Variants in EIF1AX observed in about 807,000 individuals in gnomAD.
The protein encoded by EIF1AX is eukaryotic translation initiation factor 1A, X-chromosomal.
In EIF1AX, 1 loss-of-function variant was observed where a neutral mutation model predicts 16.1. The observed-to-expected ratio is 0.06, with a 90% CI of 0.02 to 0.30. The LOEUF (loss-of-function observed/expected upper bound fraction) is 0.30, where lower values mean the gene tolerates loss of function less well. EIF1AX is among the 10% of genes least tolerant of loss of function. EIF1AX has a pLI of 1.00. For synonymous variants in EIF1AX, 32 were observed against 37.3 expected (o/e 0.86, Z 0.51); for missense variants, 11 against 109.1 (o/e 0.10, Z 4.00).
At chrX:20,138,036 CCT>C (rs2067023136) in intron 2 of EIF1AX, among the ~76,000 whole-genome samples, 1 of 88,322 alleles carries the variant, frequency 1.1e-5, no homozygotes, top group Non-Finnish European at 2.2e-5. Context: ...ACAGAGTCTC[CCT>C]CTGTCACCCA....
At chrX:20,129,062 A>G (rs1003588407) in intron 6 of EIF1AX, among the ~76,000 whole-genome samples, 2 of 111,383 alleles carry the variant, frequency 1.8e-5, no homozygotes, top group South Asian at 7.5e-4. Flanking sequence ...TTCTATTGTC[A>G]AAATATTAGT....
At chrX:20,139,368 A>G (rs901465224) in intron 1 of EIF1AX, among the ~76,000 whole-genome samples, 1 of 112,073 alleles carries the variant, frequency 8.9e-6, no homozygotes, top group Non-Finnish European at 1.9e-5. Flanking sequence ...TACTTGTCAC[A>G]ATCACCCCAT....
chrX:20,130,441 AATGG>A, intron 6 of EIF1AX, 71 bp downstream of exon 6: 1 of 1,044,143 alleles, frequency 9.6e-7, no homozygotes, highest in East Asian at 3.5e-5. Context: ...TCTTAAAATT[AATGG>A]ATGTTAGGGG....
At chrX:20,129,138 ATG>A (rs1361124260) in intron 6 of EIF1AX, among the ~76,000 whole-genome samples, 2 of 111,585 alleles carry the variant, frequency 1.8e-5, no homozygotes, top group Non-Finnish European at 3.8e-5. Flanking sequence ...ACAGAACAAC[ATG>A]TTTATTTCTC....
intron 4 of EIF1AX, among the ~76,000 whole-genome samples, chrX:20,133,646 C>G (rs57549582): frequency 0.028 from 3,071 of 110,811 alleles, 113 homozygotes; most frequent in African/African-American, 0.094. Context: ...CAAGGGTTAC[C>G]ATCACGAAAG....
intron 2 of EIF1AX, chrX:20,136,042 A>ATTTC (rs201723073): frequency 0.012 from 4,661 of 385,267 alleles, 168 homozygotes; most frequent in African/African-American, 0.11. Context: ...CTATGATGAC[A>ATTTC]TTTCTTTCTT....
At chrX:20,141,564 G>A (rs2067034264) in intron 1 of EIF1AX, 61 bp downstream of exon 1, 2 of 1,125,020 alleles carry the variant, frequency 1.8e-6, no homozygotes, top group African/African-American at 1.9e-5. Flanking sequence ...TGCAATCTAC[G>A]GGCAGGACCT....
At chrX:20,135,446 C>CA (rs1452553730) in intron 3 of EIF1AX, among the ~76,000 whole-genome samples, 14 of 106,711 alleles carry the variant, frequency 1.3e-4, no homozygotes, top group Non-Finnish European at 2.3e-4. Context: ...GACCCTGTAT[C>CA]AAAAAAAAGA....
chrX:20,128,407 A>G (rs1220915538), intron 6 of EIF1AX, 96 bp from the exon 7 acceptor site: 112 of 708,314 alleles, frequency 1.6e-4, no homozygotes, highest in Non-Finnish European at 2.0e-4. Flanking sequence ...TCCTTAGGCT[A>G]TGTGAGAAAC....
intron 2 of EIF1AX, chrX:20,136,270 T>C: frequency 2.7e-6 from 1 of 366,533 alleles, no homozygotes; most frequent in South Asian, 2.4e-5. Context: ...ACCAGACATA[T>C]GCCCTTATTG....
Position 20,126,814 on chromosome X carries a change from C to CAA in EIF1AX, c.*1490_*1491dup, listed in dbSNP as rs2066986537. The CAA allele has an allele frequency of 7.1e-6, 1 of 140,816 alleles. No homozygotes were observed. The highest frequency in any genetic ancestry group is 1.4e-5 in the Non-Finnish European group (1 of 70,033). The allele number at this position is 140,816 out of a possible 1,213,427, so 11.6% of individuals were successfully genotyped here. Reference sequence around the variant, plus strand: ...ATACGTACTCTTAATTTCCATTCTTCAACTTAATGTTCTATAGTACTTCAG... The same window carrying CAA: ...ATACGTACTCTTAATTTCCATTCTTCAAAACTTAATGTTCTATAGTACTTCAG... On this transcript the variant is annotated 3_prime_UTR_variant, in exon 7 of 7. Transcript: ENST00000379607.
intron 3 of EIF1AX, 98 bp from the exon 4 acceptor site, chrX:20,134,105 G>A: frequency 4.3e-6 from 4 of 927,848 alleles, no homozygotes; most frequent in Non-Finnish European, 4.5e-6. Flanking sequence ...AGAGATTTTA[G>A]GCCAGGAGCG....
In EIF1AX at chrX:20,128,165, CA is replaced by C; in HGVS notation, c.*140del. The C allele has an allele frequency of 3.6e-6, 2 of 558,397 alleles. No individual in the cohort carries two copies. Among genetic ancestry groups the C allele is most frequent in the East Asian group, 3.8e-5 (1 of 26,447 alleles). The allele number at this position is 558,397 out of a possible 1,213,427, so 46.0% of individuals were successfully genotyped here. ...GCATTATTATCAGTTTTAAAAAAAC[CA>C]AAAATATCTTAGAAACAAATCAGTC... On this transcript the variant is annotated 3_prime_UTR_variant, in exon 7 of 7. Coordinates refer to ENST00000379607, the MANE Select transcript of EIF1AX (RefSeq NM_001412.4).
chrX:20,128,409 G>C (rs1603414866), intron 6 of EIF1AX, 98 bp from the exon 7 acceptor site: 1 of 682,263 alleles, frequency 1.5e-6, no homozygotes, highest in Admixed American at 3.5e-5. Flanking sequence ...CTTAGGCTAT[G>C]TGAGAAACAA....
At position 20,133,904 on chromosome X, in the gene EIF1AX, G is replaced by A; in HGVS notation, c.255+53C>T. On this transcript the variant is annotated intron_variant, in intron 4 of 6. Coordinates refer to ENST00000379607, the MANE Select transcript of EIF1AX (RefSeq NM_001412.4). ...GAAACAAAACTGGCTCTTAAGAAAT[G>A]GCTCATCAAATTCAAGCCAGTAAAA... 3.1e-6 allele frequency: 3 copies of A among 975,661 alleles called. No homozygotes were observed. In the Admixed American group the frequency reaches 7.9e-5, roughly 26 times the overall value. 80.4% of individuals were successfully genotyped at this position (975,661 alleles called of 1,213,427 possible). A position where few individuals can be genotyped will look rare whatever the true frequency, so the allele number is the denominator to read the frequency against.
At chrX:20,138,517 C>T (rs377249043) in intron 2 of EIF1AX, 22 bp downstream of exon 2, 27 of 1,120,570 alleles carry the variant, frequency 2.4e-5, no homozygotes, top group South Asian at 2.2e-4. Flanking sequence ...TTTTAAAAAG[C>T]GTAATTTATG....
chrX:20,138,003 T>G lies in EIF1AX; in HGVS notation c.100+536A>C, dbSNP rs1307549793. On this transcript the variant is annotated intron_variant, in intron 2 of 6. Transcript: ENST00000379607. ...ACCTCATCTCTATACAGTTTTTTTTTTTTTTTTTTTTTTTTTTTTGAGACA... is the reference window on the plus strand; with the variant it reads ...ACCTCATCTCTATACAGTTTTTTTTGTTTTTTTTTTTTTTTTTTTGAGACA... Among the ~76,000 whole-genome samples the G allele has an allele frequency of 7.5e-5, 6 of 79,850 alleles. No individual in the cohort carries two copies. The East Asian group carries it at 2.4e-3, about 32-fold the overall frequency. The allele number at this position is 79,850 out of a possible 115,157, so 69.3% of individuals were successfully genotyped here.
At chrX:20,130,348 AAC>A (rs1168883004) in intron 6 of EIF1AX, among the ~76,000 whole-genome samples, 166 bp downstream of exon 6, 4 of 108,332 alleles carry the variant, frequency 3.7e-5, no homozygotes, top group African/African-American at 6.7e-5. Flanking sequence ...TCAAAATATA[AAC>A]AGTTTGACCA....
intron 1 of EIF1AX, chrX:20,140,170 T>C (rs1364481115): frequency 2.7e-5 from 3 of 112,246 alleles, no homozygotes; most frequent in African/African-American, 6.5e-5. Context: ...TGATTTAGTG[T>C]AGAAGTCCTA....
Sources: gnomAD v4.1 joint callset for allele counts (sites outside exome capture counted in the v4.1 genomes callset) on GRCh38, gnomAD v4.1.1 for gene constraint, MANE v1.5 for transcripts, NCBI Gene and HGNC (gene_info 2026-07-23, HGNC 2026-07-21) for gene names.